Variants in PDE4D observed in about 807,000 individuals in gnomAD.
The protein encoded by PDE4D is phosphodiesterase 4D.
Under a neutral mutation model 87.4 loss-of-function variants are expected in PDE4D, and 24 were observed. The observed-to-expected ratio is 0.27, with a 90% CI of 0.20 to 0.39. The LOEUF is 0.39. PDE4D is among the 10% of genes least tolerant of loss of function. PDE4D has a pLI of 1.00. For missense variants in PDE4D, 714 were observed against 1,041.0 expected (o/e 0.69, Z 4.32); for synonymous variants, 384 against 383.2 (o/e 1.00, Z -0.02).
chr5:60,336,603 T>C (rs1437566510), intron 1 of PDE4D, among the ~76,000 whole-genome samples: 1 of 152,222 alleles, frequency 6.6e-6, no homozygotes, highest in Non-Finnish European at 1.5e-5. Flanking sequence ...GGCTAGCATA[T>C]GCTGTTCATG....
chr5:59,343,514 C>T (rs776448044), intron 1 of PDE4D, among the ~76,000 whole-genome samples: 11 of 152,150 alleles, frequency 7.2e-5, no homozygotes, highest in Non-Finnish European at 1.5e-4. Context: ...GTTAAAACAA[C>T]ATATATCAGA....
intron 3 of PDE4D, among the ~76,000 whole-genome samples, chr5:59,902,575 C>T (rs982113759): frequency 1.3e-5 from 2 of 152,080 alleles, no homozygotes; most frequent in Admixed American, 6.6e-5. Flanking sequence ...CAGGTAGATA[C>T]AACATATTGA....
chr5:60,322,399 C>CACAT (rs1364872834), intron 1 of PDE4D, among the ~76,000 whole-genome samples: 1 of 142,160 alleles, frequency 7.0e-6, no homozygotes, highest in Admixed American at 7.1e-5. Flanking sequence ...CACACACACA[C>CACAT]ACACACACAC....
In PDE4D at chr5:59,375,664, T is replaced by G. The variant is rs1784591985; in HGVS notation, c.456-159696A>C. Among the ~76,000 whole-genome samples the G allele has an allele frequency of 3.9e-5, 6 of 152,092 alleles. No individual in the cohort carries two copies. In the South Asian group the frequency reaches 1.2e-3, roughly 31 times the overall value. On this transcript the variant is annotated intron_variant, in intron 1 of 14. Transcript: ENST00000340635. Reference sequence around the variant, plus strand: ...AACTATTCCCCAAAACTGAGAAGGATGGACTCCTCCCTAACTCATTCTACA... The same window carrying G: ...AACTATTCCCCAAAACTGAGAAGGAGGGACTCCTCCCTAACTCATTCTACA...
In PDE4D at chr5:59,800,793, C is replaced by T. The variant is rs147101754; in HGVS notation, c.455+92375G>A. 3.2e-3 allele frequency among the ~76,000 whole-genome samples: 482 copies of T among 152,266 alleles called. 4 individuals are homozygous for T. Among genetic ancestry groups the T allele is most frequent in the African/African-American group, 0.011 (449 of 41,544 alleles). On this transcript the variant is annotated intron_variant, in intron 1 of 14. Transcript: ENST00000340635. ...TTAGTCACTTAACCTTTCTAAGACT[C>T]ACTTTCTAAAAATACGCAAATATGT...
At chr5:58,982,127 C>A (rs1167849845) in intron 11 of PDE4D, among the ~76,000 whole-genome samples, 1 of 152,172 alleles carries the variant, frequency 6.6e-6, no homozygotes. Context: ...GAACAGGAAG[C>A]AAACTTTGCT....
At chr5:59,495,002 G>T (rs116123371) in intron 1 of PDE4D, among the ~76,000 whole-genome samples, 1 of 152,144 alleles carries the variant, frequency 6.6e-6, no homozygotes, top group Admixed American at 6.5e-5. Flanking sequence ...ACCTAAGGCT[G>T]TTATTTTCAT....
At chr5:59,936,576 GA>G (rs1561882869) in intron 3 of PDE4D, among the ~76,000 whole-genome samples, 1 of 152,180 alleles carries the variant, frequency 6.6e-6, no homozygotes, top group East Asian at 1.9e-4. Context: ...TTCACATTGT[GA>G]GATAATAACT....
intron 1 of PDE4D, among the ~76,000 whole-genome samples, chr5:59,254,746 C>G (rs555497870): frequency 6.6e-5 from 10 of 152,072 alleles, no homozygotes; most frequent in Non-Finnish European, 1.5e-4. Flanking sequence ...CCCCTTCTAC[C>G]TCAGATTCCA....
chr5:59,946,385 G>C (rs1006080493), intron 3 of PDE4D, among the ~76,000 whole-genome samples: 10 of 152,122 alleles, frequency 6.6e-5, no homozygotes, highest in Non-Finnish European at 1.5e-4. Flanking sequence ...CAGGGAGGTC[G>C]GGAATTAGTT....
At chr5:60,075,926 T>G (rs747082002) in intron 2 of PDE4D, among the ~76,000 whole-genome samples, 1 of 152,174 alleles carries the variant, frequency 6.6e-6, no homozygotes, top group African/African-American at 2.4e-5. Flanking sequence ...TTATTGTGAT[T>G]CCTAGCTTCC....
chr5:59,865,220 T>C (rs922308082), intron 1 of PDE4D, among the ~76,000 whole-genome samples: 6 of 152,160 alleles, frequency 3.9e-5, no homozygotes, highest in Non-Finnish European at 1.5e-5. Flanking sequence ...CAAAACAATG[T>C]TTAGAATTCT....
Position 60,073,974 on chromosome 5 carries a change from A to G in PDE4D, c.43-85257T>C, listed in dbSNP as rs1582516038. ...TGTCTTATTAATTTTTCAAAAACAC[A>G]GCCCCTGGATACATTGATCTTTTGA... On this transcript the variant is annotated intron_variant, in intron 2 of 16. Coordinates refer to the PDE4D transcript ENST00000502484. 2.0e-5 allele frequency among the ~76,000 whole-genome samples: 3 copies of G among 152,080 alleles called. No individual in the cohort carries two copies. The East Asian group carries it at 5.8e-4, about 29-fold the overall frequency.
chr5:60,497,461 G>T (rs1025370369), intron 1 of PDE4D, among the ~76,000 whole-genome samples: 3 of 151,824 alleles, frequency 2.0e-5, no homozygotes, highest in African/African-American at 7.3e-5. Flanking sequence ...GGAGTGCAGT[G>T]GTGTGAACAC....
chr5:60,016,879 C>A (rs1220770285), intron 2 of PDE4D, among the ~76,000 whole-genome samples: 1 of 152,142 alleles, frequency 6.6e-6, no homozygotes. Flanking sequence ...CATAAATGTT[C>A]TTAATTGTAT....
At chr5:59,283,795 C>T (rs1766312616) in intron 1 of PDE4D, among the ~76,000 whole-genome samples, 1 of 152,136 alleles carries the variant, frequency 6.6e-6, no homozygotes, top group Non-Finnish European at 1.5e-5. Flanking sequence ...CTGGGAATAT[C>T]TCAGGTTAAT....
chr5:59,520,401 T>C (rs551784123), intron 1 of PDE4D, among the ~76,000 whole-genome samples: 1 of 152,230 alleles, frequency 6.6e-6, no homozygotes, highest in African/African-American at 2.4e-5. Flanking sequence ...CTGATAAAGG[T>C]GCTTAAAAAG....
chr5:59,335,884 T>C lies in PDE4D; in HGVS notation c.456-119916A>G, dbSNP rs1046691638. Among the ~76,000 whole-genome samples, 8 of 152,338 alleles carry C rather than the reference T, an allele frequency of 5.3e-5. No individual in the cohort carries two copies. The East Asian group carries it at 1.4e-3, about 26-fold the overall frequency. ...CACTCCCAGCCATTTGGAATAACTA[T>C]GGCTTGGAAATTTTCCCATCTTTGT... On this transcript the variant is annotated intron_variant, in intron 1 of 14. Transcript: ENST00000340635.
chr5:59,221,533 G>A (rs1280833329), intron 1 of PDE4D, among the ~76,000 whole-genome samples: 2 of 152,096 alleles, frequency 1.3e-5, no homozygotes, highest in Admixed American at 1.3e-4. Context: ...CCCAGAGGTG[G>A]AGGCAGGAGG....
Sources: gnomAD v4.1 joint callset for allele counts (sites outside exome capture counted in the v4.1 genomes callset) on GRCh38, gnomAD v4.1.1 for gene constraint, MANE v1.5 for transcripts, NCBI Gene and HGNC (gene_info 2026-07-23, HGNC 2026-07-21) for gene names.